The following CD86 variants were observed in gnomAD, a reference collection of about 807,000 sequenced individuals.
CD86 encodes CD86 molecule, also known as T-lymphocyte activation antigen CD86.
CD86 carries 11 observed loss-of-function variants against 32.1 expected under a neutral mutation model. The ratio of observed to expected loss-of-function variants is 0.34; its 90% confidence interval spans 0.22 to 0.57. CD86 has a LOEUF of 0.57. Ranked by LOEUF, CD86 falls within the 20% of genes least tolerant of loss-of-function variation. The pLI, the probability that CD86 is intolerant of heterozygous loss-of-function variation, is 0.86. For synonymous variants in CD86, 137 were observed against 135.3 expected (o/e 1.01, Z -0.09); for missense variants, 359 against 398.4 (o/e 0.90, Z 0.84).
intron 6 of CD86, 42 bp from the exon 7 acceptor site, chr3:122,119,396 C>A: frequency 1.7e-6 from 2 of 1,201,562 alleles, no homozygotes; most frequent in Non-Finnish European, 2.5e-6. Flanking sequence ...GAAAGTAGCT[C>A]AAATGTGAAA....
intron 3 of CD86, 52 bp downstream of exon 3, chr3:122,103,899 G>A: frequency 4.9e-6 from 7 of 1,424,404 alleles, no homozygotes; most frequent in African/African-American, 1.4e-5. Context: ...AGATGAGACT[G>A]CAAATGAGTT....
chr3:122,059,389 G>T (rs926281137), intron 1 of CD86, among the ~76,000 whole-genome samples: 3 of 152,010 alleles, frequency 2.0e-5, no homozygotes, highest in Non-Finnish European at 2.9e-5. Context: ...GAGAAAAGTG[G>T]TGTCATAGAA....
At chr3:122,085,833 A>C (rs928714080) in intron 1 of CD86, among the ~76,000 whole-genome samples, 1 of 151,904 alleles carries the variant, frequency 6.6e-6, no homozygotes, top group Non-Finnish European at 1.5e-5. Flanking sequence ...CTGGAGCTCT[A>C]CTCTCCTCTC....
At chr3:122,108,933 G>T (rs919392780) in intron 4 of CD86, among the ~76,000 whole-genome samples, 1 of 152,196 alleles carries the variant, frequency 6.6e-6, no homozygotes, top group Middle Eastern at 3.2e-3. Context: ...ATGACTGCAC[G>T]TGCAGAGCCT....
At chr3:122,100,507 G>A (rs2072981775) in intron 2 of CD86, among the ~76,000 whole-genome samples, 1 of 147,954 alleles carries the variant, frequency 6.8e-6, no homozygotes, top group East Asian at 2.0e-4. Flanking sequence ...AGTAAAAGAA[G>A]GAATTTTTTT....
chr3:122,120,211 G>A lies in CD86; in HGVS notation c.*677G>A, dbSNP rs1576792029. On this transcript the variant is annotated 3_prime_UTR_variant, in exon 7 of 7. Coordinates refer to ENST00000330540, the MANE Select transcript of CD86 (RefSeq NM_175862.5). The stretch of plus-strand genomic sequence containing the variant: ...TTAGGAGAGGCAGAGATAGAACCTG[G>A]AGCCACTTCTATCTGGGCTGTTGCT... 1 of 152,220 alleles carries A rather than the reference G, an allele frequency of 6.6e-6. No individual in the cohort carries two copies. Among genetic ancestry groups the A allele is most frequent in the South Asian group, 2.1e-4 (1 of 4,812 alleles). 9.4% of individuals were successfully genotyped at this position (152,220 alleles called of 1,614,324 possible). A position where few individuals can be genotyped will look rare whatever the true frequency, so the allele number is the denominator to read the frequency against.
chr3:122,068,498 A>G (rs190389758), intron 1 of CD86, among the ~76,000 whole-genome samples: 20 of 152,346 alleles, frequency 1.3e-4, no homozygotes, highest in Non-Finnish European at 2.8e-4. Flanking sequence ...ACGTAAATGC[A>G]CACCCTTAGA....
intron 1 of CD86, among the ~76,000 whole-genome samples, chr3:122,065,301 T>G (rs1179166587): frequency 2.0e-5 from 3 of 152,184 alleles, no homozygotes; most frequent in Non-Finnish European, 4.4e-5. Context: ...CAAAACAATT[T>G]TTGGCAACCA....
intron 2 of CD86, among the ~76,000 whole-genome samples, chr3:122,095,773 G>C (rs1039684194): frequency 6.6e-6 from 1 of 152,040 alleles, no homozygotes; most frequent in Non-Finnish European, 1.5e-5. Context: ...ATCTAGTAGG[G>C]AGTATCTTAC....
At chr3:122,078,137 G>C (rs9282646) in intron 1 of CD86, 1 of 765,910 alleles carries the variant, frequency 1.3e-6, no homozygotes, top group East Asian at 1.3e-4. Context: ...GCTAATGGCC[G>C]GCCAGAGAAT....
intron 2 of CD86, among the ~76,000 whole-genome samples, chr3:122,096,614 T>C (rs9289187): frequency 0.49 from 75,225 of 152,044 alleles, 19,463 homozygotes; most frequent in Admixed American, 0.64. Flanking sequence ...TTCATTTCTT[T>C]AATCCTCACA....
At chr3:122,105,646 T>C (rs1314284027) in intron 3 of CD86, among the ~76,000 whole-genome samples, 1 of 152,194 alleles carries the variant, frequency 6.6e-6, no homozygotes, top group Non-Finnish European at 1.5e-5. Flanking sequence ...TGAAGACACT[T>C]TGATGCTCAT....
At chr3:122,119,168 G>A (rs2073303375) in intron 6 of CD86, among the ~76,000 whole-genome samples, 1 of 152,236 alleles carries the variant, frequency 6.6e-6, no homozygotes, top group African/African-American at 2.4e-5. Context: ...TTTCAGAAAT[G>A]GTCTGGAAGA....
chr3:122,089,923 C>T (rs140006962), intron 1 of CD86, among the ~76,000 whole-genome samples: 6 of 152,174 alleles, frequency 3.9e-5, no homozygotes, highest in East Asian at 1.9e-4. Context: ...TGTGCAAAAC[C>T]GTACATAGTA....
chr3:122,066,912 GA>G (rs923674118), intron 1 of CD86, among the ~76,000 whole-genome samples: 2 of 152,088 alleles, frequency 1.3e-5, no homozygotes, highest in East Asian at 1.9e-4. Context: ...AAGATATGGT[GA>G]AAAAAAGAGG....
intron 2 of CD86, among the ~76,000 whole-genome samples, chr3:122,100,968 T>C (rs985201221): frequency 6.6e-6 from 1 of 152,024 alleles, no homozygotes. Context: ...ACTTTCCCCA[T>C]TTAGTCAGAG....
intron 1 of CD86, among the ~76,000 whole-genome samples, chr3:122,081,075 A>G (rs961783871): frequency 2.6e-5 from 4 of 152,136 alleles, no homozygotes; most frequent in Non-Finnish European, 5.9e-5. Context: ...CAAACTATTA[A>G]TTCCAAACTT....
chr3:122,096,321 C>T (rs2072907138), intron 2 of CD86, among the ~76,000 whole-genome samples: 1 of 152,134 alleles, frequency 6.6e-6, no homozygotes, highest in Admixed American at 6.5e-5. Flanking sequence ...GTGATTATCT[C>T]TTCTCAGCTT....
At chr3:122,071,826 T>C (rs1315921620) in intron 1 of CD86, among the ~76,000 whole-genome samples, 1 of 151,156 alleles carries the variant, frequency 6.6e-6, no homozygotes, top group African/African-American at 2.4e-5. Flanking sequence ...GCTGCACCCA[T>C]TAACTCATCA....
Sources: allele counts gnomAD v4.1 joint callset (sites outside exome capture counted in the v4.1 genomes callset), GRCh38; gene constraint gnomAD v4.1.1; transcripts MANE v1.5; gene names NCBI Gene and HGNC (gene_info 2026-07-23, HGNC 2026-07-21).